Variants in SPEN observed in about 807,000 individuals in gnomAD.
The protein encoded by SPEN is msx2-interacting protein.
SPEN carries 18 observed loss-of-function variants against 269.9 expected under a neutral mutation model. That is an observed-to-expected ratio of 0.07 (90% CI 0.05 to 0.10). SPEN has a LOEUF of 0.10. Ranked by LOEUF, SPEN falls within the 10% of genes least tolerant of loss-of-function variation. The probability of loss-of-function intolerance (pLI) is 1.00; values close to 1 mark genes in which losing one functional copy is unlikely to be tolerated. For missense variants in SPEN, 3,822 were observed against 4,631.2 expected (o/e 0.83, Z 5.07); for synonymous variants, 1,726 against 1,765.7 (o/e 0.98, Z 0.56).
chr1:15,904,764 A>G (rs1217029885), intron 3 of SPEN, among the ~76,000 whole-genome samples: 2 of 151,010 alleles, frequency 1.3e-5, no homozygotes, highest in African/African-American at 4.9e-5. Context: ...AATGTTTATA[A>G]TAATGGCCTG....
intron 1 of SPEN, among the ~76,000 whole-genome samples, chr1:15,865,428 T>G (rs542298527): frequency 7.2e-4 from 109 of 150,346 alleles, no homozygotes; most frequent in Non-Finnish European, 1.2e-3. Context: ...CTGTTTTTTT[T>G]TTTTTTTTTT....
chr1:15,898,791 G>T (rs1376369781), intron 3 of SPEN, among the ~76,000 whole-genome samples: 2 of 152,084 alleles, frequency 1.3e-5, no homozygotes, highest in African/African-American at 4.8e-5. Flanking sequence ...TTGAATTCCT[G>T]ATCTCAGGTG....
Position 15,929,884 on chromosome 1 carries a change from C to G in SPEN, c.3644C>G (p.Pro1215Arg). The G allele has an allele frequency of 6.2e-7, 1 of 1,614,166 alleles. No individual in the cohort carries two copies. The highest frequency in any genetic ancestry group is 8.5e-7 in the Non-Finnish European group (1 of 1,180,044). ...CTCGTTCACGAGGTAGGCAAACCCCCTCAAGATGTCACTGATGACTCTCCT... is the reference window on the plus strand; with the variant it reads ...CTCGTTCACGAGGTAGGCAAACCCCGTCAAGATGTCACTGATGACTCTCCT... ...RSLVHEVGKP[P>R]QDVTDDSPPS... The change falls in exon 11 of 15, where the codon CCT becomes CGT. Residue 1215 changes from proline (P) to arginine (R), a missense_variant. This residue lies in a region of SPEN where 46 missense variants were observed against 94.0 expected (regional missense o/e 0.49). Transcript: ENST00000375759. The surrounding 1 kb of genome is among the most constrained non-coding windows in gnomAD (Gnocchi z 5.8).
At position 15,848,196 on chromosome 1, in the gene SPEN, C is replaced by G. The variant is rs763092773; in HGVS notation, c.83+46C>G. 3 of 1,352,284 alleles carry G rather than the reference C, an allele frequency of 2.2e-6. No homozygotes were observed. Among genetic ancestry groups the G allele is most frequent in the Non-Finnish European group, 9.9e-7 (1 of 1,009,092 alleles). 83.8% of individuals were successfully genotyped at this position (1,352,284 alleles called of 1,614,324 possible). A position where few individuals can be genotyped will look rare whatever the true frequency, so the allele number is the denominator to read the frequency against. ...GGCCGCGCTCGCTCCTCGGGCGCCG[C>G]TTCCCGCCCCGGCCCGTTGCCGGCC... On this transcript the variant is annotated intron_variant, in intron 1 of 14. Transcript: ENST00000375759. The surrounding 1 kb of genome is among the most constrained non-coding windows in gnomAD (Gnocchi z 5.1).
rs778740399 is a variant in SPEN at position 15,931,819 on chromosome 1, G to C, written c.5579G>C (p.Gly1860Ala). 4 of 1,614,144 alleles carry C rather than the reference G, an allele frequency of 2.5e-6. No homozygotes were observed. The Admixed American group carries it at 6.7e-5, about 27-fold the overall frequency. ...CTCAAGCGGTCCAATTCTCCTCGGGGAGAAGCACAGAAGCTTTTGGAATTG... is the reference window on the plus strand; with the variant it reads ...CTCAAGCGGTCCAATTCTCCTCGGGCAGAAGCACAGAAGCTTTTGGAATTG... ...EKLKRSNSPR[G>A]EAQKLLELKM... Residue 1860 changes from glycine (G) to alanine (A), a missense_variant, in exon 11 of 15, where the codon GGA (glycine) becomes GCA (alanine). Gly to Ala is a moderately conservative substitution (Grantham distance 60). This residue lies in a region of SPEN where 533 missense variants were observed against 618.8 expected (regional missense o/e 0.86). Transcript: ENST00000375759. This position sits in a 1 kb window ranked among gnomAD's most constrained non-coding sequence, Gnocchi z 4.8.
intron 10 of SPEN, among the ~76,000 whole-genome samples, chr1:15,925,957 A>G (rs934068894): frequency 2.0e-5 from 3 of 152,206 alleles, no homozygotes; most frequent in African/African-American, 7.2e-5. Context: ...GCCTAGTAAC[A>G]GTTATTTATG....
rs35701730 is a variant in SPEN, at chr1:15,868,438, C to CTT, written c.84-4365_84-4364dup. Among the ~76,000 whole-genome samples the CTT allele has an allele frequency of 6.8e-3, 966 of 142,026 alleles. 20 individuals are homozygous for CTT. Among genetic ancestry groups the CTT allele is most frequent in the African/African-American group, 0.023 (909 of 38,902 alleles). The allele number at this position is 142,026 out of a possible 152,430, so 93.2% of individuals were successfully genotyped here. A position where few individuals can be genotyped will look rare whatever the true frequency, so the allele number is the denominator to read the frequency against. On this transcript the variant is annotated intron_variant, in intron 1 of 14. Coordinates refer to ENST00000375759, the MANE Select transcript of SPEN (RefSeq NM_015001.3). ...TGATATGTCTTTAGATAGAATAAAACTTTTTTTTTTTTTTGAGATGGAGTC... is the reference window on the plus strand; with the variant it reads ...TGATATGTCTTTAGATAGAATAAAACTTTTTTTTTTTTTTTTGAGATGGAGTC...
rs1049335557 is a variant in SPEN, at chr1:15,911,398, T to G, written c.1243+97T>G. ...AGCATATGATCCTGAATGAGGACACTATTCTGGCTTTATTTATTGACATAT... is the reference window on the plus strand; with the variant it reads ...AGCATATGATCCTGAATGAGGACACGATTCTGGCTTTATTTATTGACATAT... On this transcript the variant is annotated intron_variant, in intron 5 of 14. Coordinates refer to ENST00000375759, the MANE Select transcript of SPEN (RefSeq NM_015001.3). The G allele has an allele frequency of 3.3e-6, 3 of 897,584 alleles. No individual in the cohort carries two copies. In the Admixed American group the frequency reaches 6.8e-5, roughly 20 times the overall value. The allele number at this position is 897,584 out of a possible 1,614,324, so 55.6% of individuals were successfully genotyped here.
At chr1:15,911,641 C>T (rs2071012872) in intron 5 of SPEN, among the ~76,000 whole-genome samples, 1 of 152,120 alleles carries the variant, frequency 6.6e-6, no homozygotes, top group African/African-American at 2.4e-5. Flanking sequence ...AGGAGTGTGA[C>T]AACAGAATTA....
chr1:15,858,538 G>A (rs1339326743), intron 1 of SPEN, among the ~76,000 whole-genome samples: 7 of 152,136 alleles, frequency 4.6e-5, no homozygotes, highest in Admixed American at 3.9e-4. Flanking sequence ...GCATAAGTAC[G>A]CCCTGTTGTT....
intron 1 of SPEN, among the ~76,000 whole-genome samples, chr1:15,856,180 C>T (rs965926078): frequency 2.2e-4 from 33 of 151,396 alleles, no homozygotes; most frequent in Admixed American, 3.3e-4. Flanking sequence ...TTAGTAGAGA[C>T]GGGGTTTCAC....
Position 15,933,434 on chromosome 1 carries a change from T to G in SPEN, c.7194T>G (p.Cys2398Trp), listed in dbSNP as rs191349922. 6.2e-7 allele frequency: 1 copy of G among 1,614,166 alleles called. No homozygotes were observed. Among genetic ancestry groups the G allele is most frequent in the African/African-American group, 1.3e-5 (1 of 75,024 alleles). The change falls in exon 11 of 15, where the codon TGT becomes TGG. Residue 2398 changes from cysteine to tryptophan, a missense_variant. By Grantham distance (215) the Cys-to-Trp change is radical. This residue lies in a region of SPEN where 727 missense variants were observed against 737.9 expected (regional missense o/e 0.99). Coordinates refer to ENST00000375759, the MANE Select transcript of SPEN (RefSeq NM_015001.3). The surrounding 1 kb of genome is among the most constrained non-coding windows in gnomAD (Gnocchi z 5.7). ...CCCATTCCACTCCTCCTCAGTCATGTACTTCTGACCTAAGCAAGATTCCCT... is the reference window on the plus strand; with the variant it reads ...CCCATTCCACTCCTCCTCAGTCATGGACTTCTGACCTAAGCAAGATTCCCT... ...EKPHSTPPQS[C>W]TSDLSKIPST...
intron 3 of SPEN, among the ~76,000 whole-genome samples, chr1:15,885,406 GTTA>G (rs1349453217): frequency 6.6e-6 from 1 of 152,192 alleles, no homozygotes. Flanking sequence ...CTTTCCAACT[GTTA>G]CATGAAGTTT....
rs2071203856 is a variant in SPEN at position 15,929,835 on chromosome 1, G to A, written c.3595G>A (p.Val1199Ile). 1.2e-6 allele frequency: 2 copies of A among 1,614,070 alleles called. No homozygotes were observed. The highest frequency in any genetic ancestry group is 1.7e-6 in the Non-Finnish European group (2 of 1,180,060). The change falls in exon 11 of 15, where the codon GTA (valine) becomes ATA (isoleucine). Residue 1199 changes from valine to isoleucine, a missense_variant. Physicochemically the swap from Val to Ile is conservative, Grantham distance 29. Transcript: ENST00000375759. This position sits in a 1 kb window ranked among gnomAD's most constrained non-coding sequence, Gnocchi z 5.8. ...SEKFGSPKKD[V>I]DEYERRSLVH... ...GAAGTTTGGCAGTCCTAAAAAAGAT[G>A]TAGATGAATATGAAAGACGTAGCCT...
In SPEN at chr1:15,876,350, G is replaced by A. The variant is rs148074613; in HGVS notation, c.553G>A (p.Ala185Thr). 151 of 1,613,906 alleles carry A rather than the reference G, an allele frequency of 9.4e-5. No individual in the cohort carries two copies. Among genetic ancestry groups the A allele is most frequent in the Admixed American group, 7.0e-4 (42 of 59,970 alleles). ...GACTTTACAACATGGGCTCTATTAC[G>A]CTTCTCGGAGTCGAAGTCCAAATCG... Reference protein sequence around the residue: ...ERTLQHGLYYASRSRSPNRFD... With the variant: ...ERTLQHGLYYTSRSRSPNRFD... The change falls in exon 3 of 15, where the codon GCT becomes ACT. Residue 185 changes from alanine (A) to threonine (T), a missense_variant. Ala to Thr is a moderately conservative substitution (Grantham distance 58). This residue lies in a region of SPEN where 327 missense variants were observed against 350.8 expected (regional missense o/e 0.93). Transcript: ENST00000375759.
chr1:15,931,600 C>G lies in SPEN; in HGVS notation c.5360C>G (p.Ala1787Gly), dbSNP rs764419927. Residue 1787 changes from alanine (A) to glycine (G), a missense_variant, in exon 11 of 15, where the codon GCA becomes GGA. Coordinates refer to ENST00000375759, the MANE Select transcript of SPEN (RefSeq NM_015001.3). The surrounding 1 kb of genome is among the most constrained non-coding windows in gnomAD (Gnocchi z 4.8). ...GCCACTGCAGATGCTGAGCCTGATG[C>G]AAACCAGAAAGCCGAAGCTGCTCCT... The part of the protein sequence containing the change: ...PDATADAEPD[A>G]NQKAEAAPES... The G allele has an allele frequency of 6.2e-7, 1 of 1,614,104 alleles. No homozygotes were observed.
rs1243504489 is a variant in SPEN, at chr1:15,928,514, A to T, written c.2274A>T (p.Arg758=). The change falls in exon 11 of 15, where the codon CGA becomes CGT. Residue 758 remains arginine (R), a synonymous_variant. Coordinates refer to ENST00000375759, the MANE Select transcript of SPEN (RefSeq NM_015001.3). The surrounding 1 kb of genome is among the most constrained non-coding windows in gnomAD (Gnocchi z 5.7). ...ATTCTGAGAGGAGGCTTTACAGCCGATCCTCAGACCGGAGTGGAAGCTGTA... is the reference window on the plus strand; with the variant it reads ...ATTCTGAGAGGAGGCTTTACAGCCGTTCCTCAGACCGGAGTGGAAGCTGTA... ...PSDSERRLYS[R]SSDRSGSCSS... 2 of 1,613,994 alleles carry T rather than the reference A, an allele frequency of 1.2e-6. No homozygotes were observed. Among genetic ancestry groups the T allele is most frequent in the Non-Finnish European group, 1.7e-6 (2 of 1,180,018 alleles).
At chr1:15,879,023 A>T (rs1303851481) in intron 3 of SPEN, among the ~76,000 whole-genome samples, 2 of 130,666 alleles carry the variant, frequency 1.5e-5, no homozygotes, top group Admixed American at 7.5e-5. Context: ...AAAAAAAAAA[A>T]AGAAAAGAAA....
chr1:15,920,787 CT>C (rs1299839629), intron 8 of SPEN, 82 bp from the exon 9 acceptor site: 3 of 614,210 alleles, frequency 4.9e-6, no homozygotes, highest in Admixed American at 2.9e-5. Flanking sequence ...CATCCGTGTC[CT>C]TGTGGCTTAG....
Sources: allele counts gnomAD v4.1 joint callset (sites outside exome capture counted in the v4.1 genomes callset), GRCh38; gene constraint gnomAD v4.1.1; regional missense constraint gnomAD v4.1.1; non-coding constraint Gnocchi (gnomAD v3.1); transcripts MANE v1.5; gene names NCBI Gene and HGNC (gene_info 2026-07-23, HGNC 2026-07-21).